MTA3: variants seen among roughly 807,000 people sequenced by gnomAD.
MTA3 encodes the protein metastasis associated 1 family member 3, also known as metastasis-associated protein MTA3.
A neutral mutation model predicts 83.5 loss-of-function variants in MTA3; 34 were observed. The observed-to-expected ratio is 0.41, with a 90% confidence interval of 0.31 to 0.54. The LOEUF (loss-of-function observed/expected upper bound fraction) is 0.54, where lower values mean the gene tolerates loss of function less well. MTA3 is among the 20% of genes least tolerant of loss of function. The pLI is 0.33. For synonymous variants in MTA3, 303 were observed against 252.7 expected (o/e 1.20, Z -1.89); for missense variants, 761 against 726.4 (o/e 1.05, Z -0.55).
intron 2 of MTA3, among the ~76,000 whole-genome samples, chr2:42,538,689 C>T (rs1278120013): frequency 3.8e-5 from 4 of 105,706 alleles, no homozygotes; most frequent in Middle Eastern, 0.01. Context: ...GCCTGGGCGA[C>T]AGAATATGAT....
chr2:42,511,187 C>G (rs1204781222), intron 2 of MTA3, among the ~76,000 whole-genome samples: 2 of 152,066 alleles, frequency 1.3e-5, no homozygotes, highest in Non-Finnish European at 2.9e-5. Flanking sequence ...ATTGTAGATG[C>G]AACCAAAATA....
At chr2:42,638,364 T>A (rs981880372) in intron 4 of MTA3, among the ~76,000 whole-genome samples, 1 of 152,078 alleles carries the variant, frequency 6.6e-6, no homozygotes, top group African/African-American at 2.4e-5. Context: ...CTGTCCGTTA[T>A]GAGAACATGT....
At chr2:42,590,613 C>CTTT (rs746232027) in intron 3 of MTA3, among the ~76,000 whole-genome samples, 18 of 115,678 alleles carry the variant, frequency 1.6e-4, no homozygotes, top group African/African-American at 3.9e-4. Flanking sequence ...TTCATGTTTG[C>CTTT]TTTTTTTTTT....
chr2:42,648,228 A>T (rs1688398563), intron 6 of MTA3, among the ~76,000 whole-genome samples: 1 of 152,164 alleles, frequency 6.6e-6, no homozygotes, highest in Non-Finnish European at 1.5e-5. Context: ...CACTTGAAAA[A>T]CATGGTCATT....
intron 8 of MTA3, among the ~76,000 whole-genome samples, chr2:42,670,152 G>C (rs990866837): frequency 2.0e-5 from 3 of 152,126 alleles, no homozygotes; most frequent in African/African-American, 7.2e-5. Context: ...CCAGCGACTT[G>C]GGAGGCTGAG....
At chr2:42,663,176 C>T (rs561111141) in intron 8 of MTA3, among the ~76,000 whole-genome samples, 1 of 152,246 alleles carries the variant, frequency 6.6e-6, no homozygotes, top group South Asian at 2.1e-4. Flanking sequence ...CAGATTATAA[C>T]TGGGGATGTG....
upstream of MTA3, among the ~76,000 whole-genome samples, chr2:42,564,738 G>A (rs577061252): frequency 6.6e-6 from 1 of 152,200 alleles, no homozygotes; most frequent in African/African-American, 2.4e-5. Context: ...CCTGGGTTCA[G>A]TATGACAGAA....
Position 42,697,758 on chromosome 2 carries a change from A to G in MTA3, c.967-18A>G. Reference sequence around the variant, plus strand: ...TTAGGCATTGCATGTAAAATGTTTTATTCATCTTTTGAATTAGAAACGTCT... The same window carrying G: ...TTAGGCATTGCATGTAAAATGTTTTGTTCATCTTTTGAATTAGAAACGTCT... On this transcript the variant is annotated intron_variant, in intron 10 of 16. Transcript: ENST00000405094. 6.6e-7 allele frequency: 1 copy of G among 1,515,710 alleles called. No individual in the cohort carries two copies. The highest frequency in any genetic ancestry group is 8.9e-7 in the Non-Finnish European group (1 of 1,126,832). The allele number at this position is 1,515,710 out of a possible 1,614,324, so 93.9% of individuals were successfully genotyped here.
Position 42,755,374 on chromosome 2 carries a change from C to T in MTA3, c.*1975C>T, listed in dbSNP as rs1347350328. The T allele has an allele frequency of 1.0e-6, 1 of 985,292 alleles. No homozygotes were observed. The highest frequency in any genetic ancestry group is 1.2e-6 in the Non-Finnish European group (1 of 829,964). The allele number at this position is 985,292 out of a possible 1,614,324, so 61.0% of individuals were successfully genotyped here. Reference sequence around the variant, plus strand: ...TTGGGAGAGGCCCTCTCACCCAGGCCCAAGAGATTTGGAGACAGGAGTCAG... The same window carrying T: ...TTGGGAGAGGCCCTCTCACCCAGGCTCAAGAGATTTGGAGACAGGAGTCAG... On this transcript the variant is annotated 3_prime_UTR_variant, in exon 17 of 17. Coordinates refer to ENST00000405094, the MANE Select transcript of MTA3 (RefSeq NM_001330442.2).
At chr2:42,667,953 T>C (rs1329227802) in intron 8 of MTA3, among the ~76,000 whole-genome samples, 1 of 152,204 alleles carries the variant, frequency 6.6e-6, no homozygotes, top group Non-Finnish European at 1.5e-5. Flanking sequence ...TATGATTCTT[T>C]CTTTTCCCCC....
Position 42,754,415 on chromosome 2 carries a change from C to G in MTA3, c.*1016C>G, listed in dbSNP as rs983682400. ...CCAACATCTTGTGAGCACATGTGACCTAGGCCCCGGGGGACCTGCCTGCTC... is the reference window on the plus strand; with the variant it reads ...CCAACATCTTGTGAGCACATGTGACGTAGGCCCCGGGGGACCTGCCTGCTC... On this transcript the variant is annotated 3_prime_UTR_variant, in exon 17 of 17. Coordinates refer to ENST00000405094, the MANE Select transcript of MTA3 (RefSeq NM_001330442.2). 8.1e-6 allele frequency: 8 copies of G among 985,376 alleles called. No homozygotes were observed. The African/African-American group carries it at 1.4e-4, about 17-fold the overall frequency. 61.0% of individuals were successfully genotyped at this position (985,376 alleles called of 1,614,324 possible). A position where few individuals can be genotyped will look rare whatever the true frequency, so the allele number is the denominator to read the frequency against.
chr2:42,533,038 C>A, intron 2 of MTA3: 1 of 184,982 alleles, frequency 5.4e-6, no homozygotes, highest in Non-Finnish European at 1.1e-5. Context: ...TGCTGGGTGG[C>A]ATTGCAGACT....
intron 9 of MTA3, among the ~76,000 whole-genome samples, chr2:42,691,494 ATTTTT>A (rs1002982452): frequency 2.0e-5 from 3 of 151,372 alleles, no homozygotes. Context: ...AGTTGTAGTT[ATTTTT>A]TTTTATTAGT....
intron 2 of MTA3, among the ~76,000 whole-genome samples, chr2:42,560,960 C>G (rs1677647643): frequency 2.0e-5 from 3 of 152,104 alleles, no homozygotes; most frequent in African/African-American, 2.4e-5. Flanking sequence ...TTAAAAACTT[C>G]TAAAGGCTTC....
intron 3 of MTA3, among the ~76,000 whole-genome samples, chr2:42,595,534 T>C (rs190013622): frequency 4.6e-5 from 7 of 152,318 alleles, no homozygotes; most frequent in Admixed American, 2.0e-4. Flanking sequence ...AAGAAACCTT[T>C]AGTTACTCCA....
chr2:42,675,572 T>A (rs1439365711), intron 8 of MTA3, among the ~76,000 whole-genome samples: 1 of 152,224 alleles, frequency 6.6e-6, no homozygotes, highest in Non-Finnish European at 1.5e-5. Flanking sequence ...TAAAGAACAT[T>A]ACCAGTATCT....
intron 16 of MTA3, among the ~76,000 whole-genome samples, chr2:42,737,180 C>A (rs1472717084): frequency 6.6e-6 from 1 of 152,170 alleles, no homozygotes; most frequent in Non-Finnish European, 1.5e-5. Flanking sequence ...GCTCCAAGAC[C>A]AGCACAGCAC....
chr2:42,708,493 T>A (rs898284632), intron 13 of MTA3, among the ~76,000 whole-genome samples: 1 of 152,134 alleles, frequency 6.6e-6, no homozygotes, highest in Non-Finnish European at 1.5e-5. Context: ...TTTGGTAAAA[T>A]CCTCATAGGC....
At chr2:42,732,170 C>A (rs1305261072) in intron 16 of MTA3, among the ~76,000 whole-genome samples, 1 of 152,244 alleles carries the variant, frequency 6.6e-6, no homozygotes, top group Admixed American at 6.5e-5. Context: ...TCTGGCCCCA[C>A]ATTTCACTTC....
Sources: gnomAD v4.1 joint callset for allele counts (sites outside exome capture counted in the v4.1 genomes callset) on GRCh38, gnomAD v4.1.1 for gene constraint, MANE v1.5 for transcripts, NCBI Gene and HGNC (gene_info 2026-07-23, HGNC 2026-07-21) for gene names.